FOXP2: variants seen among roughly 807,000 people sequenced by gnomAD.
FOXP2 encodes the protein forkhead box protein P2.
In FOXP2, 12 loss-of-function variants were observed where a neutral mutation model predicts 115.8. The observed-to-expected ratio is 0.10, with a 90% CI of 0.07 to 0.17. The LOEUF is 0.17. Among genes scored for constraint, FOXP2 ranks in the 10% least tolerant of loss-of-function variants. The pLI is 1.00. For missense variants in FOXP2, 629 were observed against 843.5 expected (o/e 0.75, Z 3.15); for synonymous variants, 328 against 297.7 (o/e 1.10, Z -1.05).
At chr7:114,639,642 A>G (rs998968040) in intron 6 of FOXP2, among the ~76,000 whole-genome samples, 16 of 152,160 alleles carry the variant, frequency 1.1e-4, no homozygotes, top group Non-Finnish European at 2.4e-4. Context: ...CATCTAAGTA[A>G]AGGGAGGGAG....
intron 2 of FOXP2, among the ~76,000 whole-genome samples, chr7:114,402,722 G>A (rs778768696): frequency 1.9e-4 from 29 of 151,860 alleles, no homozygotes; most frequent in Non-Finnish European, 3.5e-4. Flanking sequence ...GAATACCTGG[G>A]CTCAAGCAAT....
At chr7:114,287,890 T>C (rs553131699) in intron 1 of FOXP2, 3 of 287,710 alleles carry the variant, frequency 1.0e-5, no homozygotes, top group South Asian at 6.8e-5. Flanking sequence ...AAGTAATGCA[T>C]GTTAACATTA....
At chr7:114,629,514 A>G in intron 4 of FOXP2, 1 of 1,219,400 alleles carries the variant, frequency 8.2e-7, no homozygotes, top group Non-Finnish European at 1.2e-6. Context: ...TGTCAGTAGG[A>G]CTTCAGATGT....
chr7:114,596,068 C>T (rs1346327151), intron 3 of FOXP2, among the ~76,000 whole-genome samples: 2 of 151,968 alleles, frequency 1.3e-5, no homozygotes, highest in African/African-American at 4.8e-5. Context: ...CGCTGAGTCT[C>T]AGGTAGAGGC....
intron 1 of FOXP2, among the ~76,000 whole-genome samples, chr7:114,244,711 A>G (rs1254316775): frequency 7.2e-5 from 11 of 152,240 alleles, no homozygotes; most frequent in African/African-American, 2.4e-4. Flanking sequence ...GGCATGTTAA[A>G]TACTTCCCAA....
chr7:114,637,181 G>A (rs1805268950), intron 6 of FOXP2, among the ~76,000 whole-genome samples: 1 of 152,026 alleles, frequency 6.6e-6, no homozygotes, highest in South Asian at 2.1e-4. Flanking sequence ...TTATTATTAA[G>A]TTGTATTATC....
chr7:114,098,084 A>T (rs576213022), intron 1 of FOXP2, among the ~76,000 whole-genome samples: 1 of 152,350 alleles, frequency 6.6e-6, no homozygotes, highest in South Asian at 2.1e-4. Flanking sequence ...CAAGAGAGGT[A>T]AATAAAATAT....
At chr7:114,239,668 G>A (rs557412293) in intron 1 of FOXP2, among the ~76,000 whole-genome samples, 13 of 152,166 alleles carry the variant, frequency 8.5e-5, no homozygotes, top group Middle Eastern at 6.8e-3. Flanking sequence ...GACAAAAAAA[G>A]GCATAAACAA....
intron 1 of FOXP2, among the ~76,000 whole-genome samples, chr7:114,248,475 A>C (rs186984115): frequency 6.5e-4 from 99 of 152,324 alleles, no homozygotes; most frequent in African/African-American, 2.4e-3. Context: ...AATGGAAAAA[A>C]ACTCAATACG....
intron 1 of FOXP2, among the ~76,000 whole-genome samples, chr7:114,231,101 C>T (rs1794864081): frequency 6.6e-6 from 1 of 151,618 alleles, no homozygotes; most frequent in African/African-American, 2.4e-5. Context: ...TAACAGTGAG[C>T]AATCTGAAAA....
chr7:114,098,422 C>A (rs1481420929), intron 1 of FOXP2, among the ~76,000 whole-genome samples: 2 of 152,006 alleles, frequency 1.3e-5, no homozygotes, highest in African/African-American at 2.4e-5. Context: ...GGAAATAAAT[C>A]CAAATGGTCA....
intron 1 of FOXP2, among the ~76,000 whole-genome samples, chr7:114,100,342 ATGT>A (rs1799750235): frequency 6.6e-6 from 1 of 152,144 alleles, no homozygotes; most frequent in African/African-American, 2.4e-5. Flanking sequence ...TTCCTTTAAA[ATGT>A]TGTGTCCAGA....
intron 2 of FOXP2, among the ~76,000 whole-genome samples, chr7:114,466,324 T>G (rs934827293): frequency 6.6e-6 from 1 of 152,162 alleles, no homozygotes; most frequent in African/African-American, 2.4e-5. Flanking sequence ...TCCCCAGGAT[T>G]TCAGTCAGGT....
chr7:114,654,245 G>A lies in FOXP2; in HGVS notation c.1266+236G>A, dbSNP rs1806448880. The A allele has an allele frequency of 1.8e-5, 17 of 927,258 alleles. 1 individual carries two copies. In the South Asian group the frequency reaches 2.9e-4, roughly 16 times the overall value. 57.4% of individuals were successfully genotyped at this position (927,258 alleles called of 1,614,324 possible). A position where few individuals can be genotyped will look rare whatever the true frequency, so the allele number is the denominator to read the frequency against. On this transcript the variant is annotated intron_variant, in intron 10 of 16. Transcript: ENST00000350908. ...CACTAAACAAAGTACACCTATCAGT[G>A]CACAAATCACTGCCTTGGGGCTGAA...
intron 2 of FOXP2, among the ~76,000 whole-genome samples, chr7:114,343,723 G>T (rs2694937): frequency 0.57 from 86,882 of 151,270 alleles, 25,660 homozygotes; most frequent in East Asian, 0.84. Flanking sequence ...CTTTGAGATA[G>T]CTGCATGGCT....
Position 114,324,086 on chromosome 7 carries a change from CTGT to C in FOXP2, c.-11+35983_-11+35985del, listed in dbSNP as rs561070176. ...TCATCACAGTCTTTACACATAGAATCTGTTGTTGGAATTTTCTGTCACTAGGAC... is the reference window on the plus strand; with the variant it reads ...TCATCACAGTCTTTACACATAGAATCTGTTGGAATTTTCTGTCACTAGGAC... On this transcript the variant is annotated intron_variant, in intron 2 of 17. Coordinates refer to the FOXP2 transcript ENST00000634411. Among the ~76,000 whole-genome samples the C allele has an allele frequency of 3.8e-4, 58 of 151,964 alleles. No individual in the cohort carries two copies. In the South Asian group the frequency reaches 9.8e-3, roughly 26 times the overall value.
chr7:114,348,645 G>A (rs889562517), intron 2 of FOXP2, among the ~76,000 whole-genome samples: 1 of 152,064 alleles, frequency 6.6e-6, no homozygotes, highest in Non-Finnish European at 1.5e-5. Context: ...ATAAGGTTGA[G>A]TGTAGTTCTG....
intron 1 of FOXP2, among the ~76,000 whole-genome samples, chr7:114,284,591 A>AT (rs1336539511): frequency 2.0e-5 from 3 of 152,196 alleles, no homozygotes; most frequent in African/African-American, 7.2e-5. Context: ...AAAAAAAGGA[A>AT]TGCTTATACG....
At chr7:114,274,010 AT>A (rs1279689735) in intron 1 of FOXP2, among the ~76,000 whole-genome samples, 1 of 148,350 alleles carries the variant, frequency 6.7e-6, no homozygotes, top group Non-Finnish European at 1.5e-5. Flanking sequence ...TTTTTCTTCC[AT>A]TTTTTCCTGC....
Sources: allele counts gnomAD v4.1 joint callset (sites outside exome capture counted in the v4.1 genomes callset), GRCh38; gene constraint gnomAD v4.1.1; transcripts MANE v1.5; gene names NCBI Gene and HGNC (gene_info 2026-07-23, HGNC 2026-07-21).